Variants in PRKD1 observed in about 807,000 individuals in gnomAD.
PRKD1 encodes protein kinase D1.
A neutral mutation model predicts 95.9 loss-of-function variants in PRKD1; 63 were observed. The observed-to-expected ratio is 0.66, with a 90% CI of 0.54 to 0.81. The LOEUF (loss-of-function observed/expected upper bound fraction) is 0.81, where lower values mean the gene tolerates loss of function less well. Among genes scored for constraint, PRKD1 ranks in the 30% least tolerant of loss-of-function variants. The probability of loss-of-function intolerance (pLI) is 0.00; values close to 1 mark genes in which losing one functional copy is unlikely to be tolerated. For synonymous variants in PRKD1, 425 were observed against 423.1 expected, an observed-to-expected ratio of 1.00 and a Z score of -0.05; for missense variants, 1,048 against 1,165.3, an observed-to-expected ratio of 0.90 and a Z score of 1.47.
chr14:29,726,130 A>G (rs1170807631), intron 1 of PRKD1, among the ~76,000 whole-genome samples: 1 of 152,182 alleles, frequency 6.6e-6, no homozygotes, highest in East Asian at 1.9e-4. Flanking sequence ...ATATTCAAAA[A>G]TAAGAGATGC....
chr14:29,749,314 G>A (rs1887371666), intron 1 of PRKD1, among the ~76,000 whole-genome samples: 1 of 152,118 alleles, frequency 6.6e-6, no homozygotes, highest in South Asian at 2.1e-4. Flanking sequence ...AAAAAGGAGG[G>A]GTGGTAAACC....
chr14:29,822,129 G>A (rs535643951), intron 1 of PRKD1, among the ~76,000 whole-genome samples: 1 of 152,068 alleles, frequency 6.6e-6, no homozygotes, highest in African/African-American at 2.4e-5. Context: ...AATGTTTTTG[G>A]CCTCCCAGGT....
At chr14:29,687,419 C>T (rs1235096590) in intron 2 of PRKD1, among the ~76,000 whole-genome samples, 1 of 152,142 alleles carries the variant, frequency 6.6e-6, no homozygotes, top group Non-Finnish European at 1.5e-5. Context: ...TATCTCTTCA[C>T]AGTAGCTCTA....
chr14:29,740,216 C>CT (rs1258603737), intron 1 of PRKD1, among the ~76,000 whole-genome samples: 4 of 152,264 alleles, frequency 2.6e-5, no homozygotes, highest in African/African-American at 9.6e-5. Context: ...CACTATTTGT[C>CT]TCACTCTGAA....
intron 2 of PRKD1, among the ~76,000 whole-genome samples, chr14:29,711,688 CCTAA>C (rs45609536): frequency 0.033 from 4,980 of 152,178 alleles, 156 homozygotes; most frequent in African/African-American, 0.078. Context: ...CTGGTACTGA[CCTAA>C]CTGTCATATG....
chr14:29,893,665 G>A (rs1025295458), intron 1 of PRKD1, among the ~76,000 whole-genome samples: 11 of 152,278 alleles, frequency 7.2e-5, no homozygotes, highest in African/African-American at 2.6e-4. Flanking sequence ...TTCTTTAGCA[G>A]TGGTTCTTAG....
At chr14:29,690,247 C>T (rs67773241) in intron 2 of PRKD1, among the ~76,000 whole-genome samples, 10,493 of 152,154 alleles carry the variant, frequency 0.069, 923 homozygotes, top group African/African-American at 0.2. Flanking sequence ...CATCCCTACC[C>T]CCAATATCTG....
chr14:29,786,412 T>C (rs990142435), intron 1 of PRKD1, among the ~76,000 whole-genome samples: 16 of 151,960 alleles, frequency 1.1e-4, no homozygotes, highest in African/African-American at 3.4e-4. Flanking sequence ...TTGAGAAGAG[T>C]TGGTGTTAGT....
chr14:29,850,796 CCA>C (rs924286294), intron 1 of PRKD1, among the ~76,000 whole-genome samples: 1 of 151,690 alleles, frequency 6.6e-6, no homozygotes, highest in Non-Finnish European at 1.5e-5. Context: ...AAGAACAAAG[CCA>C]AGAGTATTAC....
intron 1 of PRKD1, among the ~76,000 whole-genome samples, chr14:29,729,547 G>A (rs1362381226): frequency 6.6e-6 from 1 of 151,416 alleles, no homozygotes; most frequent in Non-Finnish European, 1.5e-5. Context: ...TTTCTTTTTT[G>A]TTTGGTCTGG....
intron 2 of PRKD1, among the ~76,000 whole-genome samples, chr14:29,666,793 G>A (rs1051498007): frequency 2.6e-5 from 4 of 151,932 alleles, no homozygotes; most frequent in African/African-American, 9.7e-5. Flanking sequence ...CAACCAAGCA[G>A]CCACTTCACC....
chr14:29,652,647 T>G (rs1881583722), intron 4 of PRKD1, among the ~76,000 whole-genome samples: 1 of 152,240 alleles, frequency 6.6e-6, no homozygotes, highest in African/African-American at 2.4e-5. Flanking sequence ...TTTGAAAAAC[T>G]AGTTTGTAGA....
chr14:29,912,923 C>G (rs1020466548), intron 1 of PRKD1, among the ~76,000 whole-genome samples: 6 of 152,208 alleles, frequency 3.9e-5, no homozygotes, highest in Admixed American at 1.3e-4. Context: ...TTATGTACCT[C>G]CAGAATCAAT....
intron 1 of PRKD1, among the ~76,000 whole-genome samples, chr14:29,893,264 T>C (rs1053069308): frequency 2.0e-5 from 3 of 151,832 alleles, no homozygotes; most frequent in African/African-American, 7.3e-5. Context: ...CATATAAGAG[T>C]AGTTTATTAC....
At position 29,582,647 on chromosome 14, in the gene PRKD1, A is replaced by G. The variant is rs116566660; in HGVS notation, c.2435-4287T>C. Among the ~76,000 whole-genome samples the G allele has an allele frequency of 8.3e-3, 1,265 of 152,218 alleles. 22 individuals carry two copies. The highest frequency in any genetic ancestry group is 0.028 in the African/African-American group (1,173 of 41,536). On this transcript the variant is annotated intron_variant, in intron 16 of 17. Transcript: ENST00000331968. ...TGTGTAATTTATCAAGCATAAAGAC[A>G]CTAAGACAAGGGAAAGGGGAAGCCA...
Position 29,725,639 on chromosome 14 carries a change from C to T in PRKD1, c.300G>A (p.Lys100=). The T allele has an allele frequency of 6.2e-7, 1 of 1,613,642 alleles. No homozygotes were observed. Among genetic ancestry groups the T allele is most frequent in the Non-Finnish European group, 8.5e-7 (1 of 1,179,712 alleles). The stretch of plus-strand genomic sequence containing the variant: ...TAGGGTCATGGCGAAAAAGCAGGAT[C>T]TTATCATACATTCCGTAGAAACCAC... ...PECGFYGMYD[K]ILLFRHDPTS... is the part of the protein sequence containing the mutation. The change falls in exon 2 of 18, where the codon AAG becomes AAA. Residue 100 remains lysine (K), a synonymous_variant. Coordinates refer to ENST00000331968, the MANE Select transcript of PRKD1 (RefSeq NM_002742.3).
chr14:29,827,584 C>A (rs965070107), intron 1 of PRKD1, among the ~76,000 whole-genome samples: 2 of 152,024 alleles, frequency 1.3e-5, no homozygotes, highest in African/African-American at 4.8e-5. Flanking sequence ...CAGACAGAAT[C>A]GAAGGCTCTT....
At chr14:29,618,325 T>G (rs1879008826) in intron 13 of PRKD1, among the ~76,000 whole-genome samples, 1 of 151,684 alleles carries the variant, frequency 6.6e-6, no homozygotes, top group African/African-American at 2.4e-5. Context: ...TGATCTCTCC[T>G]CACTGCAACC....
In PRKD1 at chr14:29,617,579, T is replaced by G. The variant is rs1421369152; in HGVS notation, c.1905+6573A>C. ...TGTTCTAGTATCGATAAATGAAAGT[T>G]GCAATACAAGAAAAGGAGAAAAATA... On this transcript the variant is annotated intron_variant, in intron 13 of 17. Coordinates refer to ENST00000331968, the MANE Select transcript of PRKD1 (RefSeq NM_002742.3). Among the ~76,000 whole-genome samples, 3 of 152,160 alleles carry G rather than the reference T, an allele frequency of 2.0e-5. No individual in the cohort carries two copies. In the East Asian group the frequency reaches 5.8e-4, roughly 29 times the overall value.
Sources: gnomAD v4.1 joint callset for allele counts (sites outside exome capture counted in the v4.1 genomes callset) on GRCh38, gnomAD v4.1.1 for gene constraint, MANE v1.5 for transcripts, NCBI Gene and HGNC (gene_info 2026-07-23, HGNC 2026-07-21) for gene names.